PSMA1: variants seen among roughly 807,000 people sequenced by gnomAD.
PSMA1 encodes proteasome 20S subunit alpha 1.
Under a neutral mutation model 38.4 loss-of-function variants are expected in PSMA1, and 3 were observed. The ratio of observed to expected loss-of-function variants is 0.08; its 90% CI spans 0.04 to 0.20. PSMA1 has a LOEUF of 0.20. PSMA1 is among the 10% of genes least tolerant of loss of function. The pLI is 1.00. For missense variants in PSMA1, 227 were observed against 325.3 expected (o/e 0.70, Z 2.32); for synonymous variants, 101 against 107.1 (o/e 0.94, Z 0.35).
At chr11:14,595,159 T>A (rs1039890040) in intron 2 of PSMA1, among the ~76,000 whole-genome samples, 1 of 152,234 alleles carries the variant, frequency 6.6e-6, no homozygotes, top group African/African-American at 2.4e-5. Context: ...CTATCATTGA[T>A]GGACATTTGG....
At chr11:14,565,157 A>G (rs942569342) in intron 2 of PSMA1, among the ~76,000 whole-genome samples, 2 of 152,124 alleles carry the variant, frequency 1.3e-5, no homozygotes, top group African/African-American at 4.8e-5. Flanking sequence ...TATTTAAACT[A>G]AGTTGTCAAA....
In PSMA1 at chr11:14,578,990, T is replaced by C. The variant is rs185667194; in HGVS notation, c.21+31976A>G. ...TCTCAACATTCTGTGAGGATGGGAT[T>C]AGGTGAAGAAACCAGCTCAAAGGGA... On this transcript the variant is annotated intron_variant, in intron 2 of 10. Transcript: ENST00000418988. Among the ~76,000 whole-genome samples the C allele has an allele frequency of 1.2e-3, 189 of 152,314 alleles. 7 individuals carry two copies. Among genetic ancestry groups the C allele is most frequent in the Non-Finnish European group, 4.0e-4 (27 of 68,030 alleles).
intron 2 of PSMA1, among the ~76,000 whole-genome samples, chr11:14,525,402 A>T (rs1344156135): frequency 1.3e-5 from 2 of 151,758 alleles, no homozygotes; most frequent in East Asian, 1.9e-4. Flanking sequence ...TGCACCCCTT[A>T]CCATCCCATA....
chr11:14,602,297 C>G (rs1213643714), intron 2 of PSMA1, among the ~76,000 whole-genome samples: 7 of 152,090 alleles, frequency 4.6e-5, no homozygotes, highest in Non-Finnish European at 1.0e-4. Context: ...TATCACCAAG[C>G]TTTTTGGGAG....
chr11:14,535,546 A>C (rs1302505303), intron 2 of PSMA1, among the ~76,000 whole-genome samples: 1 of 150,344 alleles, frequency 6.7e-6, no homozygotes, highest in Non-Finnish European at 1.5e-5. Context: ...AGGGTTCAAG[A>C]GGTTCTCCTG....
chr11:14,527,723 C>CGG (rs1851602891), intron 2 of PSMA1, among the ~76,000 whole-genome samples: 2 of 152,152 alleles, frequency 1.3e-5, no homozygotes, highest in Non-Finnish European at 2.9e-5. Flanking sequence ...AAGGCCACCG[C>CGG]GGTCATTTCA....
intron 2 of PSMA1, among the ~76,000 whole-genome samples, chr11:14,525,841 C>T (rs1851580212): frequency 6.6e-6 from 1 of 152,154 alleles, no homozygotes; most frequent in Non-Finnish European, 1.5e-5. Context: ...AGGGACAGCC[C>T]TCATTACTTC....
intron 5 of PSMA1, 154 bp downstream of exon 5, chr11:14,514,249 G>A: frequency 7.3e-7 from 1 of 1,372,108 alleles, no homozygotes; most frequent in Non-Finnish European, 9.4e-7. Context: ...AATATAAATT[G>A]CTTATAAAGG....
chr11:14,567,987 T>C (rs1309343480), intron 2 of PSMA1, among the ~76,000 whole-genome samples: 1 of 152,186 alleles, frequency 6.6e-6, no homozygotes, highest in Non-Finnish European at 1.5e-5. Flanking sequence ...AAATAAGGTG[T>C]CTTTAAACAG....
intron 4 of PSMA1, among the ~76,000 whole-genome samples, chr11:14,516,731 G>T (rs1851436439): frequency 6.6e-6 from 1 of 152,086 alleles, no homozygotes; most frequent in Admixed American, 6.6e-5. Context: ...TTCAAGACTA[G>T]CCTGGCCAAC....
At chr11:14,622,283 C>G (rs1047215557) in intron 1 of PSMA1, among the ~76,000 whole-genome samples, 2 of 152,160 alleles carry the variant, frequency 1.3e-5, no homozygotes, top group Non-Finnish European at 2.9e-5. Flanking sequence ...GGATCAGAAA[C>G]AGTTCACATT....
intron 2 of PSMA1, among the ~76,000 whole-genome samples, chr11:14,526,772 G>A (rs2134157034): frequency 6.6e-6 from 1 of 152,106 alleles, no homozygotes; most frequent in Non-Finnish European, 1.5e-5. Flanking sequence ...ATTTTCCCAT[G>A]TTTCCTTCTT....
intron 1 of PSMA1, among the ~76,000 whole-genome samples, chr11:14,614,621 A>T (rs1371614988): frequency 6.6e-6 from 1 of 152,118 alleles, no homozygotes; most frequent in African/African-American, 2.4e-5. Context: ...ACCACCATCG[A>T]TCTAGTTTCT....
At chr11:14,596,606 CTT>C (rs1565054026) in intron 2 of PSMA1, among the ~76,000 whole-genome samples, 1 of 152,324 alleles carries the variant, frequency 6.6e-6, no homozygotes, top group Non-Finnish European at 1.5e-5. Flanking sequence ...TATCCTGAGA[CTT>C]TGCTGAAGTT....
At chr11:14,574,604 G>A (rs985643419) in intron 2 of PSMA1, among the ~76,000 whole-genome samples, 1 of 152,088 alleles carries the variant, frequency 6.6e-6, no homozygotes. Flanking sequence ...TGAATGATGG[G>A]GGTGGTTACC....
At chr11:14,569,127 C>A (rs1852107433) in intron 2 of PSMA1, among the ~76,000 whole-genome samples, 1 of 152,178 alleles carries the variant, frequency 6.6e-6, no homozygotes, top group African/African-American at 2.4e-5. Context: ...GAGTTTCTTC[C>A]CAGAAAATTG....
At chr11:14,523,632 C>T (rs1303674560), upstream of PSMA1, among the ~76,000 whole-genome samples, 1 of 150,426 alleles carries the variant, frequency 6.6e-6, no homozygotes, top group Non-Finnish European at 1.5e-5. Context: ...TCTCTGTTGC[C>T]CAGGCTGGAG....
intron 1 of PSMA1, among the ~76,000 whole-genome samples, chr11:14,626,096 G>C (rs930897001): frequency 6.6e-6 from 1 of 151,554 alleles, no homozygotes; most frequent in East Asian, 1.9e-4. Context: ...TAAAATGAAA[G>C]TAAAGGAATC....
At chr11:14,617,471 A>G (rs562357500) in intron 1 of PSMA1, among the ~76,000 whole-genome samples, 7 of 152,244 alleles carry the variant, frequency 4.6e-5, no homozygotes, top group Admixed American at 3.9e-4. Flanking sequence ...TGACTGGCAC[A>G]GGGTAAGCAC....
Sources: gnomAD v4.1 joint callset for allele counts (sites outside exome capture counted in the v4.1 genomes callset) on GRCh38, gnomAD v4.1.1 for gene constraint, MANE v1.5 for transcripts, NCBI Gene and HGNC (gene_info 2026-07-23, HGNC 2026-07-21) for gene names.